The following SMG6 variants were observed in gnomAD, a reference collection of about 807,000 sequenced individuals.
SMG6 encodes the protein telomerase-binding protein EST1A.
Under a neutral mutation model 142.2 loss-of-function variants are expected in SMG6, and 66 were observed. That is an observed-to-expected ratio of 0.46 (90% confidence interval 0.38 to 0.57). The LOEUF is 0.57. Among genes scored for constraint, SMG6 ranks in the 20% least tolerant of loss-of-function variants. The probability of loss-of-function intolerance (pLI) is 0.00; values close to 1 mark genes in which losing one functional copy is unlikely to be tolerated. For missense variants in SMG6, 1,793 were observed against 1,832.0 expected, an observed-to-expected ratio of 0.98 and a Z score of 0.39; for synonymous variants, 779 against 702.4, an observed-to-expected ratio of 1.11 and a Z score of -1.72.
chr17:2,138,180 A>G (rs1448147107), intron 13 of SMG6, among the ~76,000 whole-genome samples: 2 of 152,142 alleles, frequency 1.3e-5, no homozygotes, highest in Admixed American at 6.5e-5. Context: ...GAATTTCAGA[A>G]AGAAGAAAAA....
intron 10 of SMG6, among the ~76,000 whole-genome samples, chr17:2,223,846 G>A (rs2073244465): frequency 6.6e-6 from 1 of 152,048 alleles, no homozygotes; most frequent in Admixed American, 6.6e-5. Flanking sequence ...CTAATCTTTG[G>A]AAGAGCAAAC....
intron 13 of SMG6, among the ~76,000 whole-genome samples, chr17:2,168,296 A>T (rs2071402505): frequency 6.6e-6 from 1 of 151,844 alleles, no homozygotes; most frequent in African/African-American, 2.4e-5. Context: ...AGGCTCAAGC[A>T]ATTCTCATGC....
intron 8 of SMG6, among the ~76,000 whole-genome samples, chr17:2,277,526 C>G (rs192740386): frequency 6.5e-4 from 99 of 152,260 alleles, no homozygotes; most frequent in African/African-American, 2.2e-3. Flanking sequence ...TTAAATCAGG[C>G]TCCTATCTTT....
chr17:2,182,907 G>A (rs1050136073), intron 12 of SMG6, among the ~76,000 whole-genome samples: 3 of 151,388 alleles, frequency 2.0e-5, no homozygotes, highest in Non-Finnish European at 2.9e-5. Context: ...GGGGGGTGGG[G>A]TGGGCAGGGG....
intron 12 of SMG6, among the ~76,000 whole-genome samples, chr17:2,179,585 T>G (rs564864155): frequency 8.6e-5 from 13 of 151,708 alleles, no homozygotes; most frequent in Admixed American, 7.2e-4. Flanking sequence ...TTCTAGAGTT[T>G]TTTTTTTTTT....
chr17:2,242,356 C>CAAAAAAAAAAAAAAAA (rs57062488), intron 9 of SMG6, among the ~76,000 whole-genome samples: 1 of 73,512 alleles, frequency 1.4e-5, no homozygotes, highest in Non-Finnish European at 2.4e-5. Flanking sequence ...ACTGAAGATA[C>CAAAAAAAAAAAAAAAA]AAAAAAAAAA....
chr17:2,302,413 C>A (rs1350979048), intron 1 of SMG6, among the ~76,000 whole-genome samples: 1 of 152,126 alleles, frequency 6.6e-6, no homozygotes. Context: ...TGGTGGCACA[C>A]GCCTACAGTC....
rs950394197 is a variant in SMG6 at position 2,103,808 on chromosome 17, C to T, written c.3358-17907G>A. On this transcript the variant is annotated intron_variant, in intron 13 of 18. Coordinates refer to ENST00000263073, the MANE Select transcript of SMG6 (RefSeq NM_017575.5). ...ACACTCTTTTGGGCTAACTCATCACCGGATCTAAAGTCAGGAAAGACCCCT... is the reference window on the plus strand; with the variant it reads ...ACACTCTTTTGGGCTAACTCATCACTGGATCTAAAGTCAGGAAAGACCCCT... Among the ~76,000 whole-genome samples, 5 of 152,116 alleles carry T rather than the reference C, an allele frequency of 3.3e-5. No homozygotes were observed. The East Asian group carries it at 5.8e-4, about 18-fold the overall frequency.
intron 8 of SMG6, among the ~76,000 whole-genome samples, chr17:2,260,686 A>C (rs1055909415): frequency 2.0e-5 from 3 of 152,144 alleles, no homozygotes; most frequent in Non-Finnish European, 4.4e-5. Flanking sequence ...ATAGAAAAAA[A>C]TTTGAGTTTA....
chr17:2,258,668 G>A (rs762051574), intron 8 of SMG6, among the ~76,000 whole-genome samples: 4 of 151,714 alleles, frequency 2.6e-5, no homozygotes, highest in Non-Finnish European at 5.9e-5. Context: ...GCGTGGTGGT[G>A]CAGCCTGTAG....
At chr17:2,214,500 T>C (rs1161818240) in intron 10 of SMG6, 4 of 152,164 alleles carry the variant, frequency 2.6e-5, no homozygotes, top group Non-Finnish European at 5.9e-5. Flanking sequence ...AGAACACTGA[T>C]GACAAAGCTG....
chr17:2,252,408 AAAG>A (rs1255306882), intron 8 of SMG6, among the ~76,000 whole-genome samples: 12 of 151,374 alleles, frequency 7.9e-5, no homozygotes, highest in East Asian at 7.7e-4. Context: ...CAAAAAAAAT[AAAG>A]AAAAGAAAAG....
At chr17:2,171,964 A>G (rs1021722033) in intron 13 of SMG6, among the ~76,000 whole-genome samples, 1 of 152,106 alleles carries the variant, frequency 6.6e-6, no homozygotes, top group Non-Finnish European at 1.5e-5. Context: ...CTGTTATTAC[A>G]CGTGGGAAAT....
chr17:2,245,491 T>G (rs2073909095), intron 8 of SMG6, among the ~76,000 whole-genome samples: 1 of 152,146 alleles, frequency 6.6e-6, no homozygotes, highest in South Asian at 2.1e-4. Context: ...TTCAAGCAAT[T>G]CTCGTGTCTC....
intron 13 of SMG6, among the ~76,000 whole-genome samples, chr17:2,169,814 A>G (rs1597510781): frequency 6.6e-6 from 1 of 152,278 alleles, no homozygotes; most frequent in East Asian, 1.9e-4. Flanking sequence ...CTAAGAAATG[A>G]CATGATCTCA....
intron 13 of SMG6, among the ~76,000 whole-genome samples, chr17:2,140,805 T>C (rs1218909150): frequency 6.6e-6 from 1 of 152,126 alleles, no homozygotes; most frequent in Non-Finnish European, 1.5e-5. Flanking sequence ...AATCCATGCA[T>C]GTCAGACCTT....
intron 8 of SMG6, among the ~76,000 whole-genome samples, chr17:2,264,365 G>C (rs1031770040): frequency 1.3e-5 from 2 of 152,168 alleles, no homozygotes; most frequent in African/African-American, 4.8e-5. Context: ...GGGATATCAG[G>C]TTATTCATGA....
At chr17:2,186,429 G>C (rs2071987004) in intron 12 of SMG6, among the ~76,000 whole-genome samples, 1 of 152,146 alleles carries the variant, frequency 6.6e-6, no homozygotes, top group Non-Finnish European at 1.5e-5. Context: ...ACAAAATGGA[G>C]AGTGAGAGGA....
rs140760578 is a variant in SMG6 at position 2,104,316 on chromosome 17, G to A, written c.3358-18415C>T. 7.9e-3 allele frequency among the ~76,000 whole-genome samples: 1,203 copies of A among 152,182 alleles called. 10 individuals carry two copies. Among genetic ancestry groups the A allele is most frequent in the Non-Finnish European group, 0.012 (837 of 68,000 alleles). On this transcript the variant is annotated intron_variant, in intron 13 of 18. Coordinates refer to ENST00000263073, the MANE Select transcript of SMG6 (RefSeq NM_017575.5). ...TCACCATGTTGGCCAGGCAGGTCAC[G>A]AATTCCTGATTTCAAGGGTTCCGTC...
Sources: gnomAD v4.1 joint callset for allele counts (sites outside exome capture counted in the v4.1 genomes callset) on GRCh38, gnomAD v4.1.1 for gene constraint, MANE v1.5 for transcripts, NCBI Gene and HGNC (gene_info 2026-07-23, HGNC 2026-07-21) for gene names.